Variants in ANO10 observed in about 807,000 individuals in gnomAD.
ANO10 encodes the protein anoctamin 10, also known as anoctamin-10.
Under a neutral mutation model 74.7 loss-of-function variants are expected in ANO10, and 77 were observed. The ratio of observed to expected loss-of-function variants is 1.03; its 90% CI spans 0.86 to 1.25. The LOEUF is 1.25. ANO10 is among the 50% of genes most tolerant of loss of function. The pLI is 0.00. For missense variants in ANO10, 721 were observed against 778.1 expected, an observed-to-expected ratio of 0.93 and a Z score of 0.87; for synonymous variants, 279 against 284.9, an observed-to-expected ratio of 0.98 and a Z score of 0.21.
In ANO10 at chr3:43,656,616, G is replaced by A. The variant is rs546654320; in HGVS notation, c.-12+34901C>T. Among the ~76,000 whole-genome samples, 25 of 152,316 alleles carry A rather than the reference G, an allele frequency of 1.6e-4. No individual in the cohort carries two copies. In the South Asian group the frequency reaches 5.0e-3, roughly 30 times the overall value. On this transcript the variant is annotated intron_variant, in intron 1 of 3. Transcript: ENST00000413397. ...CTGGTGAGAAATCGAGCACAGAGCC[G>A]GTGGGCTAGCACTGCTGGGGTACCC... is the stretch of plus-strand genomic sequence containing the variant.
chr3:43,678,217 T>C (rs1445486836), intron 1 of ANO10, among the ~76,000 whole-genome samples: 1 of 152,234 alleles, frequency 6.6e-6, no homozygotes, highest in Admixed American at 6.5e-5. Context: ...ATGCCATCTA[T>C]TGAATAATGC....
At chr3:43,491,439 G>C (rs1439615732) in intron 11 of ANO10, among the ~76,000 whole-genome samples, 1 of 152,138 alleles carries the variant, frequency 6.6e-6, no homozygotes, top group African/African-American at 2.4e-5. Flanking sequence ...GCTTGAACCA[G>C]GGAGGTGGGG....
At chr3:43,599,763 A>C (rs1056027545) in intron 3 of ANO10, among the ~76,000 whole-genome samples, 2 of 151,990 alleles carry the variant, frequency 1.3e-5, no homozygotes, top group African/African-American at 4.8e-5. Context: ...AAAATTAGCC[A>C]GGTGTGGTGG....
Position 43,598,472 on chromosome 3 carries a change from G to A in ANO10, c.472+60C>T, listed in dbSNP as rs183645190. 2.1e-4 allele frequency: 322 copies of A among 1,527,286 alleles called. 2 individuals are homozygous for A. The Middle Eastern group carries it at 4.3e-3, about 20-fold the overall frequency. The allele number at this position is 1,527,286 out of a possible 1,614,324, so 94.6% of individuals were successfully genotyped here. A position where few individuals can be genotyped will look rare whatever the true frequency, so the allele number is the denominator to read the frequency against. On this transcript the variant is annotated intron_variant, in intron 4 of 12. Transcript: ENST00000292246. ...AGTTCTTCTGTAAGAGGGAAAAAAG[G>A]CATCTATAATTTGCTATTTATGTCT...
intron 11 of ANO10, among the ~76,000 whole-genome samples, chr3:43,443,133 C>G (rs1201406762): frequency 6.6e-6 from 1 of 151,976 alleles, no homozygotes; most frequent in East Asian, 1.9e-4. Context: ...AAGCTCCATT[C>G]CTAGTGTGCT....
intron 11 of ANO10, among the ~76,000 whole-genome samples, chr3:43,472,238 G>C (rs151329442): frequency 6.2e-4 from 94 of 152,234 alleles, no homozygotes; most frequent in African/African-American, 2.2e-3. Flanking sequence ...GGTAGGGAGA[G>C]AGTTTGACAA....
At chr3:43,547,096 T>A (rs1022332023) in intron 11 of ANO10, among the ~76,000 whole-genome samples, 1 of 152,184 alleles carries the variant, frequency 6.6e-6, no homozygotes, top group African/African-American at 2.4e-5. Flanking sequence ...TGGAATGATA[T>A]ATTTCTCTTC....
chr3:43,508,991 GAAGA>G (rs1433985249), intron 11 of ANO10, among the ~76,000 whole-genome samples: 1 of 146,118 alleles, frequency 6.8e-6, no homozygotes, highest in African/African-American at 2.5e-5. Context: ...AAGAAAAAAA[GAAGA>G]AAGAAAATGT....
chr3:43,650,831 A>T (rs951457276), intron 1 of ANO10, among the ~76,000 whole-genome samples: 18 of 152,232 alleles, frequency 1.2e-4, no homozygotes, highest in African/African-American at 4.3e-4. Context: ...GTAATAAATG[A>T]ACAATTTGCT....
chr3:43,600,254 C>A, intron 3 of ANO10, 130 bp downstream of exon 3: 2 of 1,027,314 alleles, frequency 1.9e-6, no homozygotes, highest in South Asian at 1.4e-5. Context: ...AGAGACCACA[C>A]GGACTGCAAA....
chr3:43,486,774 T>C (rs895241503), intron 11 of ANO10, among the ~76,000 whole-genome samples: 21 of 152,070 alleles, frequency 1.4e-4, no homozygotes, highest in Non-Finnish European at 2.4e-4. Flanking sequence ...CTTCCTCTTT[T>C]ACTAATTGAA....
At position 43,678,462 on chromosome 3, in the gene ANO10, G is replaced by A. The variant is rs546972434; in HGVS notation, c.-12+13055C>T. On this transcript the variant is annotated intron_variant, in intron 1 of 3. Transcript: ENST00000413397. ...TAAAGATCGACCCCTGACCTAACAG[G>A]TTATGTTATCTATAGATTCCAGACA... Among the ~76,000 whole-genome samples, 145 of 152,270 alleles carry A rather than the reference G, an allele frequency of 9.5e-4. 1 individual carries two copies. Among genetic ancestry groups the A allele is most frequent in the African/African-American group, 3.4e-3 (142 of 41,554 alleles).
intron 11 of ANO10, among the ~76,000 whole-genome samples, chr3:43,526,768 TTTAC>T (rs1446077557): frequency 6.6e-6 from 1 of 152,058 alleles, no homozygotes; most frequent in Non-Finnish European, 1.5e-5. Context: ...ATTTTGAATA[TTTAC>T]TTAAGATAGC....
intron 12 of ANO10, among the ~76,000 whole-genome samples, chr3:43,428,795 G>GAAAAAAAAAAAAA (rs1245373022): frequency 5.9e-4 from 2 of 3,414 alleles, no homozygotes; most frequent in Non-Finnish European, 2.5e-3. Context: ...CTTTGTGAAT[G>GAAAAAAAAAAAAA]CAAAAAAAAA....
At chr3:43,681,381 A>G (rs1353744655) in intron 1 of ANO10, among the ~76,000 whole-genome samples, 2 of 152,136 alleles carry the variant, frequency 1.3e-5, no homozygotes, top group East Asian at 1.9e-4. Flanking sequence ...AGAGCTAACT[A>G]TCCTAAATAT....
In ANO10 at chr3:43,489,095, TCACGCA is replaced by T. The variant is rs1305206884; in HGVS notation, c.1798-56374_1798-56369del. On this transcript the variant is annotated intron_variant, in intron 11 of 12. Coordinates refer to ENST00000292246, the MANE Select transcript of ANO10 (RefSeq NM_018075.5). ...ACAAAAAACCAAACACCGCATATTC[TCACGCA>T]TAGGTGGGAATTGAACAATGAGATC... Among the ~76,000 whole-genome samples the T allele has an allele frequency of 2.7e-5, 4 of 147,682 alleles. No homozygotes were observed. The Admixed American group carries it at 2.8e-4, about 10-fold the overall frequency.
At chr3:43,416,442 A>C (rs983398956) in intron 12 of ANO10, among the ~76,000 whole-genome samples, 1 of 152,208 alleles carries the variant, frequency 6.6e-6, no homozygotes, top group Non-Finnish European at 1.5e-5. Flanking sequence ...TAAAAATACA[A>C]AACTCAAAAA....
At chr3:43,508,045 AGTTTAT>A (rs1399142710) in intron 11 of ANO10, among the ~76,000 whole-genome samples, 1 of 152,196 alleles carries the variant, frequency 6.6e-6, no homozygotes, top group Non-Finnish European at 1.5e-5. Context: ...ATCAAGAAAA[AGTTTAT>A]GTTGCTGAAG....
chr3:43,468,946 G>A (rs1259715829), intron 11 of ANO10, among the ~76,000 whole-genome samples: 2 of 150,986 alleles, frequency 1.3e-5, no homozygotes, highest in South Asian at 2.1e-4. Context: ...TCCTGACCTC[G>A]TGATCCACCC....
Sources: allele counts gnomAD v4.1 joint callset (sites outside exome capture counted in the v4.1 genomes callset), GRCh38; gene constraint gnomAD v4.1.1; transcripts MANE v1.5; gene names NCBI Gene and HGNC (gene_info 2026-07-23, HGNC 2026-07-21).